The following ZFAT variants were observed in gnomAD, a reference collection of about 807,000 sequenced individuals.
ZFAT encodes zinc finger and AT-hook domain containing.
In ZFAT, 64 loss-of-function variants were observed where a neutral mutation model predicts 117.7. The observed-to-expected ratio is 0.54, with a 90% confidence interval of 0.44 to 0.67. ZFAT has a LOEUF of 0.67. Among genes scored for constraint, ZFAT ranks in the 30% least tolerant of loss-of-function variants. The pLI, the probability that ZFAT is intolerant of heterozygous loss-of-function variation, is 0.00. For synonymous variants in ZFAT, 679 were observed against 615.0 expected, an observed-to-expected ratio of 1.10 and a Z score of -1.54; for missense variants, 1,433 against 1,584.5, an observed-to-expected ratio of 0.90 and a Z score of 1.62.
At chr8:134,704,160 G>A (rs543216551) in intron 1 of ZFAT, among the ~76,000 whole-genome samples, 1 of 152,278 alleles carries the variant, frequency 6.6e-6, no homozygotes, top group South Asian at 2.1e-4. Flanking sequence ...CCTGAGCCTG[G>A]TTCCCTGTGG....
rs1827528138 is a variant in ZFAT, at chr8:134,602,104, C to T, written c.1615G>A (p.Asp539Asn). Residue 539 changes from aspartate (D) to asparagine (N), a missense_variant, in exon 6 of 16, where the codon GAC (aspartate) becomes AAC (asparagine). Physicochemically the swap from Asp to Asn is conservative, Grantham distance 23. Coordinates refer to ENST00000377838, the MANE Select transcript of ZFAT (RefSeq NM_020863.4). Reference protein sequence around the residue: ...NALKEEACPGDTQLEEGRKEP... With the variant: ...NALKEEACPGNTQLEEGRKEP... Reference sequence around the variant, plus strand: ...TTCCGGCCCTCCTCCAGCTGAGTGTCCCCAGGACAGGCCTCTTCCTTGAGT... The same window carrying T: ...TTCCGGCCCTCCTCCAGCTGAGTGTTCCCAGGACAGGCCTCTTCCTTGAGT... 1 of 1,612,008 alleles carries T rather than the reference C, an allele frequency of 6.2e-7. No homozygotes were observed. The highest frequency in any genetic ancestry group is 8.5e-7 in the Non-Finnish European group (1 of 1,179,420).
At chr8:134,818,733 G>C in the ZFAT span, among the ~76,000 whole-genome samples, 5 of 152,162 alleles carry the variant, frequency 3.3e-5, no homozygotes, top group African/African-American at 1.2e-4. Flanking sequence ...ACAAAATGTG[G>C]TATATCCATA....
the ZFAT span, chr8:134,795,097 G>C: frequency 6.6e-6 from 1 of 152,170 alleles, no homozygotes; most frequent in Non-Finnish European, 1.5e-5. Flanking sequence ...CCAAGGGTAT[G>C]TTTGTGATAT....
intron 9 of ZFAT, among the ~76,000 whole-genome samples, chr8:134,584,698 T>C (rs1272906186): frequency 6.6e-6 from 1 of 151,310 alleles, no homozygotes; most frequent in East Asian, 2.0e-4. Context: ...GAAGAGTGAA[T>C]CCCAGCCTTC....
the ZFAT span, among the ~76,000 whole-genome samples, chr8:134,819,008 G>A: frequency 1.4e-4 from 21 of 152,252 alleles, no homozygotes; most frequent in South Asian, 3.3e-3. Context: ...GGATAAACAC[G>A]TCAAAACTTA....
intron 5 of ZFAT, among the ~76,000 whole-genome samples, chr8:134,605,809 C>A (rs1007477855): frequency 6.6e-6 from 1 of 152,098 alleles, no homozygotes; most frequent in Non-Finnish European, 1.5e-5. Context: ...ACTCAGGATA[C>A]AAAAGGGAAT....
intron 1 of ZFAT, among the ~76,000 whole-genome samples, chr8:134,708,369 GTTAA>G (rs1050383549): frequency 2.6e-4 from 40 of 152,152 alleles, no homozygotes; most frequent in African/African-American, 9.4e-4. Context: ...TGATGGATAT[GTTAA>G]TTAGCTTGAT....
chr8:134,822,855 C>A, the ZFAT span, among the ~76,000 whole-genome samples: 3 of 152,016 alleles, frequency 2.0e-5, no homozygotes, highest in Admixed American at 2.0e-4. Flanking sequence ...GATTAAAAAG[C>A]GGCTTCATTG....
At chr8:134,658,058 C>T (rs1250103800) in intron 1 of ZFAT, among the ~76,000 whole-genome samples, 2 of 152,222 alleles carry the variant, frequency 1.3e-5, no homozygotes, top group African/African-American at 4.8e-5. Flanking sequence ...AAATATGCGG[C>T]CGGGCGCGGT....
the ZFAT span, among the ~76,000 whole-genome samples, chr8:134,790,919 A>G: frequency 5.9e-5 from 9 of 151,936 alleles, no homozygotes; most frequent in African/African-American, 1.7e-4. Context: ...GGAGGCTTAC[A>G]TGGGAGGATC....
At chr8:134,757,092 C>T in the ZFAT span, among the ~76,000 whole-genome samples, 2 of 144,346 alleles carry the variant, frequency 1.4e-5, no homozygotes, top group South Asian at 4.6e-4. Context: ...TCTGGGCTCA[C>T]TGCAACCTCT....
At chr8:134,678,870 A>G (rs1031979611) in intron 1 of ZFAT, among the ~76,000 whole-genome samples, 1 of 152,230 alleles carries the variant, frequency 6.6e-6, no homozygotes, top group African/African-American at 2.4e-5. Flanking sequence ...TGGTGCTGGG[A>G]AAACTGGCTA....
chr8:134,823,441 T>C, the ZFAT span, among the ~76,000 whole-genome samples: 2 of 152,200 alleles, frequency 1.3e-5, no homozygotes, highest in Non-Finnish European at 2.9e-5. Context: ...TTCTTTTAAG[T>C]GCTTATATAC....
the ZFAT span, among the ~76,000 whole-genome samples, chr8:134,810,850 C>T: frequency 2.0e-5 from 3 of 152,172 alleles, no homozygotes; most frequent in South Asian, 2.1e-4. Flanking sequence ...AAGTCTGTAT[C>T]TGAATAGTCT....
intron 1 of ZFAT, among the ~76,000 whole-genome samples, chr8:134,669,627 G>A (rs969914270): frequency 2.6e-5 from 4 of 152,098 alleles, no homozygotes; most frequent in Non-Finnish European, 5.9e-5. Flanking sequence ...AGGAACAACC[G>A]GTACCAGCCA....
At chr8:134,581,598 G>C (rs182345592) in intron 10 of ZFAT, among the ~76,000 whole-genome samples, 2 of 152,044 alleles carry the variant, frequency 1.3e-5, no homozygotes, top group African/African-American at 2.4e-5. Flanking sequence ...TGGCAGGGGG[G>C]GTGTAGGGAA....
chr8:134,791,845 G>A, the ZFAT span, among the ~76,000 whole-genome samples: 2 of 152,112 alleles, frequency 1.3e-5, no homozygotes, highest in African/African-American at 4.8e-5. Context: ...CATAAGCTGG[G>A]AGTTTCTGAA....
At chr8:134,596,516 A>G (rs1826948825) in intron 7 of ZFAT, among the ~76,000 whole-genome samples, 2 of 152,360 alleles carry the variant, frequency 1.3e-5, no homozygotes, top group African/African-American at 4.8e-5. Context: ...AAACCCTTTA[A>G]GGAAAGGTTA....
intron 3 of ZFAT, among the ~76,000 whole-genome samples, chr8:134,628,576 C>T (rs574002188): frequency 1.4e-4 from 22 of 152,184 alleles, no homozygotes; most frequent in Non-Finnish European, 2.8e-4. Flanking sequence ...TAGGAAAATC[C>T]ACTGAAATTC....
Sources: allele counts gnomAD v4.1 joint callset (sites outside exome capture counted in the v4.1 genomes callset), GRCh38; gene constraint gnomAD v4.1.1; transcripts MANE v1.5; gene names NCBI Gene and HGNC (gene_info 2026-07-23, HGNC 2026-07-21).